The following ZNF804B variants were observed in gnomAD, a reference collection of about 807,000 sequenced individuals.
The protein encoded by ZNF804B is zinc finger 804B.
In ZNF804B, 80 loss-of-function variants were observed where a neutral mutation model predicts 101.4. That is an observed-to-expected ratio of 0.79 (90% CI 0.66 to 0.95). The LOEUF is 0.95. ZNF804B is among the 40% of genes least tolerant of loss of function. The pLI is 0.00. For synonymous variants in ZNF804B, 622 were observed against 558.8 expected, an observed-to-expected ratio of 1.11 and a Z score of -1.59; for missense variants, 1,673 against 1,561.9, an observed-to-expected ratio of 1.07 and a Z score of -1.20.
intron 2 of ZNF804B, among the ~76,000 whole-genome samples, chr7:89,279,015 C>G (rs1447508935): frequency 2.0e-5 from 3 of 152,082 alleles, no homozygotes; most frequent in Non-Finnish European, 4.4e-5. Flanking sequence ...TTTGTATCCT[C>G]TTTAATTTCA....
At chr7:89,228,089 G>A (rs1286544086) in intron 2 of ZNF804B, among the ~76,000 whole-genome samples, 1 of 151,982 alleles carries the variant, frequency 6.6e-6, no homozygotes, top group South Asian at 2.1e-4. Context: ...CAGCTCTTAA[G>A]GTGGCACGTC....
intron 1 of ZNF804B, among the ~76,000 whole-genome samples, chr7:89,110,398 T>C (rs1790199552): frequency 6.6e-6 from 1 of 152,092 alleles, no homozygotes; most frequent in East Asian, 1.9e-4. Context: ...TGGGTTTGAG[T>C]TGAATGAACC....
At chr7:89,268,412 T>A (rs1039164096) in intron 2 of ZNF804B, among the ~76,000 whole-genome samples, 1 of 152,134 alleles carries the variant, frequency 6.6e-6, no homozygotes, top group Admixed American at 6.6e-5. Context: ...ATCCCACCTA[T>A]GTTAGACTTC....
chr7:89,218,089 T>C, intron 1 of ZNF804B, 66 bp from the exon 2 acceptor site: 1 of 1,483,736 alleles, frequency 6.7e-7, no homozygotes, highest in Non-Finnish European at 9.2e-7. Flanking sequence ...CCACCTTGAT[T>C]AATACGAGAT....
chr7:89,282,746 G>A (rs1790119167), intron 2 of ZNF804B, among the ~76,000 whole-genome samples: 2 of 152,134 alleles, frequency 1.3e-5, no homozygotes, highest in African/African-American at 4.8e-5. Context: ...ACACAGAAGA[G>A]CCTCTTTTCT....
At chr7:88,784,398 A>C (rs567370408) in intron 1 of ZNF804B, among the ~76,000 whole-genome samples, 1 of 152,154 alleles carries the variant, frequency 6.6e-6, no homozygotes, top group Non-Finnish European at 1.5e-5. Flanking sequence ...AGCTGTGTAC[A>C]TAGTCACTCG....
At chr7:88,867,714 TAATAAC>T (rs1791752501) in intron 1 of ZNF804B, among the ~76,000 whole-genome samples, 2 of 152,218 alleles carry the variant, frequency 1.3e-5, no homozygotes, top group South Asian at 2.1e-4. Context: ...ATAATGTTAG[TAATAAC>T]AATAACAATA....
intron 2 of ZNF804B, among the ~76,000 whole-genome samples, chr7:89,285,391 C>T (rs969406438): frequency 2.7e-5 from 4 of 150,474 alleles, no homozygotes; most frequent in East Asian, 3.9e-4. Flanking sequence ...GGCATGGTGG[C>T]GGGTGCCTGT....
chr7:88,820,419 GGCA>G (rs1364398347), intron 1 of ZNF804B, among the ~76,000 whole-genome samples: 1 of 152,150 alleles, frequency 6.6e-6, no homozygotes, highest in Non-Finnish European at 1.5e-5. Flanking sequence ...GACCTTCACA[GGCA>G]GCAGGAGAGG....
intron 1 of ZNF804B, among the ~76,000 whole-genome samples, chr7:89,011,614 C>A (rs985413023): frequency 1.3e-5 from 2 of 152,086 alleles, no homozygotes; most frequent in African/African-American, 4.8e-5. Context: ...AGATTCCATG[C>A]AACTCCACAA....
chr7:89,144,538 G>A (rs1790762860), intron 1 of ZNF804B, among the ~76,000 whole-genome samples: 1 of 151,912 alleles, frequency 6.6e-6, no homozygotes, highest in African/African-American at 2.4e-5. Flanking sequence ...GTTATCAGAG[G>A]CGGGGAAGGG....
At chr7:88,903,811 G>A (rs1000208158) in intron 1 of ZNF804B, among the ~76,000 whole-genome samples, 4 of 151,808 alleles carry the variant, frequency 2.6e-5, no homozygotes, top group Non-Finnish European at 5.9e-5. Flanking sequence ...TTGGTTTTTT[G>A]TTTGTTGCTT....
At chr7:88,805,014 T>C (rs1321433342) in intron 1 of ZNF804B, among the ~76,000 whole-genome samples, 1 of 152,204 alleles carries the variant, frequency 6.6e-6, no homozygotes, top group Non-Finnish European at 1.5e-5. Context: ...TTTAATATAT[T>C]ATAAAAGTTT....
At chr7:89,197,165 T>C (rs7807391) in intron 1 of ZNF804B, among the ~76,000 whole-genome samples, 93,931 of 151,698 alleles carry the variant, frequency 0.62, 29,861 homozygotes, top group African/African-American at 0.74. Context: ...CATTTACCTA[T>C]GTAACAATCC....
chr7:88,968,017 TA>T (rs1047193459), intron 1 of ZNF804B, among the ~76,000 whole-genome samples: 11 of 151,468 alleles, frequency 7.3e-5, no homozygotes, highest in Non-Finnish European at 1.3e-4. Flanking sequence ...CACTTTTTTA[TA>T]AAAGGAAACA....
At chr7:89,050,674 G>T (rs1167085000) in intron 1 of ZNF804B, among the ~76,000 whole-genome samples, 1 of 152,058 alleles carries the variant, frequency 6.6e-6, no homozygotes, top group Non-Finnish European at 1.5e-5. Flanking sequence ...CTTATTTATT[G>T]AAAGACCTTC....
At chr7:89,187,715 T>C (rs538786945) in intron 1 of ZNF804B, among the ~76,000 whole-genome samples, 3 of 152,300 alleles carry the variant, frequency 2.0e-5, no homozygotes, top group Admixed American at 2.0e-4. Flanking sequence ...CCTCGAATTC[T>C]TGTCTCACTT....
Position 89,320,557 on chromosome 7 carries a change from A to G in ZNF804B, c.250-6787A>G, listed in dbSNP as rs1240843477. 2.6e-5 allele frequency among the ~76,000 whole-genome samples: 4 copies of G among 152,264 alleles called. No individual in the cohort carries two copies. The East Asian group carries it at 7.7e-4, about 29-fold the overall frequency. On this transcript the variant is annotated intron_variant, in intron 2 of 3. Coordinates refer to ENST00000333190, the MANE Select transcript of ZNF804B (RefSeq NM_181646.5). ...CAGTATAAAATCATTTAGCATATAC[A>G]CTATTGGAGTGCAAGAAGGATAAGA...
In ZNF804B at chr7:88,794,423, A is replaced by T. The variant is rs755787489; in HGVS notation, c.108+34339A>T. ...GACAGTTTATGAGTTTGTGTGAGAA[A>T]ATCTGTGATGACCTCCTTTAGGGAC... On this transcript the variant is annotated intron_variant, in intron 1 of 3. Transcript: ENST00000333190. 4.3e-6 allele frequency: 7 copies of T among 1,613,664 alleles called. No homozygotes were observed. The East Asian group carries it at 1.3e-4, about 31-fold the overall frequency.
Sources: gnomAD v4.1 joint callset for allele counts (sites outside exome capture counted in the v4.1 genomes callset) on GRCh38, gnomAD v4.1.1 for gene constraint, MANE v1.5 for transcripts, NCBI Gene and HGNC (gene_info 2026-07-23, HGNC 2026-07-21) for gene names.